ATP13A4: variants seen among roughly 807,000 people sequenced by gnomAD.
ATP13A4 encodes the protein ATPase 13A4.
ATP13A4 carries 114 observed loss-of-function variants against 142.5 expected under a neutral mutation model. That is an observed-to-expected ratio of 0.80 (90% CI 0.69 to 0.93). ATP13A4 has a LOEUF of 0.93. ATP13A4 is among the 40% of genes least tolerant of loss of function. The pLI is 0.00. For synonymous variants in ATP13A4, 488 were observed against 514.8 expected (o/e 0.95, Z 0.70); for missense variants, 1,392 against 1,454.0 (o/e 0.96, Z 0.69).
At chr3:193,514,610 C>G in intron 2 of ATP13A4, 88 bp downstream of exon 2, 16 of 1,537,722 alleles carry the variant, frequency 1.0e-5, no homozygotes, top group Non-Finnish European at 1.4e-5. Context: ...TGCTATCTGT[C>G]TTGTGCACAT....
chr3:193,543,959 G>T (rs1312981584), intron 1 of ATP13A4, among the ~76,000 whole-genome samples: 2 of 152,166 alleles, frequency 1.3e-5, no homozygotes, highest in African/African-American at 4.8e-5. Flanking sequence ...TCAGAAAGAG[G>T]CTGGCATCCA....
chr3:193,496,839 T>TAAAAC (rs1553850690), intron 3 of ATP13A4, among the ~76,000 whole-genome samples: 2 of 138,014 alleles, frequency 1.4e-5, no homozygotes, highest in African/African-American at 5.5e-5. Flanking sequence ...AATAAATAAA[T>TAAAAC]AAAACTGAGA....
chr3:193,538,224 T>C (rs1292262469), intron 1 of ATP13A4, among the ~76,000 whole-genome samples: 1 of 152,162 alleles, frequency 6.6e-6, no homozygotes, highest in Non-Finnish European at 1.5e-5. Flanking sequence ...ATTTTTTATA[T>C]CTGAAATTCA....
At chr3:193,504,086 A>G (rs1720721605) in intron 2 of ATP13A4, among the ~76,000 whole-genome samples, 1 of 151,990 alleles carries the variant, frequency 6.6e-6, no homozygotes, top group Non-Finnish European at 1.5e-5. Context: ...AGGGGAAAAT[A>G]ACCTTAATAG....
chr3:193,491,904 T>A (rs1449647584), intron 5 of ATP13A4, among the ~76,000 whole-genome samples: 4 of 152,180 alleles, frequency 2.6e-5, no homozygotes, highest in African/African-American at 9.7e-5. Flanking sequence ...TCTACACACA[T>A]AATTATTCAG....
At position 193,440,545 on chromosome 3, in the gene ATP13A4, G is replaced by T. The variant is rs765794636; in HGVS notation, c.2519+13C>A. The T allele has an allele frequency of 5.6e-6, 9 of 1,613,564 alleles. No homozygotes were observed. In the African/African-American group the frequency reaches 1.2e-4, roughly 22 times the overall value. On this transcript the variant is annotated intron_variant, in intron 21 of 29. Coordinates refer to ENST00000342695, the MANE Select transcript of ATP13A4 (RefSeq NM_032279.4). ...CATGCAGTTCATGCCACCTGCACTG[G>T]CAAAGAACCTACTCCAGTTTCTGAA...
At chr3:193,491,179 C>T (rs946433896) in intron 6 of ATP13A4, 150 bp downstream of exon 6, 23 of 711,648 alleles carry the variant, frequency 3.2e-5, no homozygotes, top group Non-Finnish European at 4.8e-5. Flanking sequence ...AAAGAGTAAG[C>T]AAGAGATATG....
rs1182734146 is a variant in ATP13A4 at position 193,435,758 on chromosome 3, G to A, written c.2673-14C>T. On this transcript the variant is annotated splice_polypyrimidine_tract_variant and intron_variant, in intron 23 of 29. Coordinates refer to ENST00000342695, the MANE Select transcript of ATP13A4 (RefSeq NM_032279.4). ...GCACGTCCTTCCCTGTGTAAGAAAA[G>A]AAATGATAAAGACATGAAAGTAATG... The A allele has an allele frequency of 1.2e-6, 2 of 1,604,136 alleles. No homozygotes were observed. Among genetic ancestry groups the A allele is most frequent in the Non-Finnish European group, 1.7e-6 (2 of 1,171,200 alleles).
At chr3:193,436,923 C>T (rs542073626) in intron 23 of ATP13A4, among the ~76,000 whole-genome samples, 13 of 142,624 alleles carry the variant, frequency 9.1e-5, no homozygotes, top group South Asian at 6.3e-4. Flanking sequence ...GCTAAAACGG[C>T]GAAACCCCGT....
chr3:193,434,576 C>T (rs1328463319), intron 24 of ATP13A4, among the ~76,000 whole-genome samples: 1 of 152,158 alleles, frequency 6.6e-6, no homozygotes, highest in Non-Finnish European at 1.5e-5. Flanking sequence ...GCCTATCCTT[C>T]TCTAGCCCAT....
At chr3:193,585,191 G>A (rs764124630) in intron 1 of ATP13A4, among the ~76,000 whole-genome samples, 10 of 152,176 alleles carry the variant, frequency 6.6e-5, no homozygotes, top group Non-Finnish European at 1.3e-4. Flanking sequence ...GCAAAGGTTC[G>A]TGGCTCACTT....
intron 24 of ATP13A4, among the ~76,000 whole-genome samples, chr3:193,435,150 A>G (rs911705821): frequency 6.6e-6 from 1 of 152,206 alleles, no homozygotes; most frequent in Non-Finnish European, 1.5e-5. Context: ...ATATGCTACT[A>G]TACATCTTTC....
At chr3:193,573,238 G>A (rs1724308620) in intron 2 of ATP13A4, among the ~76,000 whole-genome samples, 1 of 121,966 alleles carries the variant, frequency 8.2e-6, no homozygotes, top group Admixed American at 8.4e-5. Context: ...TACCACAGAT[G>A]AACTTTAACG....
intron 1 of ATP13A4, among the ~76,000 whole-genome samples, chr3:193,592,031 C>G (rs948556143): frequency 1.3e-5 from 2 of 151,086 alleles, no homozygotes; most frequent in Non-Finnish European, 2.9e-5. Flanking sequence ...ATGGCTAGGT[C>G]TACTCTTGGT....
At chr3:193,584,963 C>G (rs34023161) in intron 1 of ATP13A4, among the ~76,000 whole-genome samples, 2 of 151,952 alleles carry the variant, frequency 1.3e-5, no homozygotes, top group Non-Finnish European at 2.9e-5. Flanking sequence ...CAATGTTCCT[C>G]CCCACTCTCC....
chr3:193,479,405 A>C (rs1280464891), intron 8 of ATP13A4, among the ~76,000 whole-genome samples: 1 of 152,194 alleles, frequency 6.6e-6, no homozygotes, highest in Admixed American at 6.5e-5. Flanking sequence ...GAACTGGTTA[A>C]TGAATTCAGC....
At chr3:193,517,603 C>A (rs1721489607) in intron 1 of ATP13A4, among the ~76,000 whole-genome samples, 1 of 152,192 alleles carries the variant, frequency 6.6e-6, no homozygotes, top group South Asian at 2.1e-4. Context: ...GCCTCAGCCT[C>A]CCGAGTAGCT....
intron 3 of ATP13A4, among the ~76,000 whole-genome samples, chr3:193,496,582 G>T (rs1470847828): frequency 1.3e-5 from 2 of 152,134 alleles, no homozygotes; most frequent in African/African-American, 4.8e-5. Context: ...CTTGAGGTCA[G>T]GAGTTTGAGA....
intron 21 of ATP13A4, 40 bp downstream of exon 21, chr3:193,440,518 T>G: frequency 1.2e-6 from 2 of 1,612,780 alleles, no homozygotes; most frequent in South Asian, 1.1e-5. Context: ...CTGTTATGCC[T>G]CCATGCAGTT....
Sources: gnomAD v4.1 joint callset for allele counts (sites outside exome capture counted in the v4.1 genomes callset) on GRCh38, gnomAD v4.1.1 for gene constraint, MANE v1.5 for transcripts, NCBI Gene and HGNC (gene_info 2026-07-23, HGNC 2026-07-21) for gene names.